HS3ST3B1: variants seen among roughly 807,000 people sequenced by gnomAD.
HS3ST3B1 encodes heparan sulfate glucosamine 3-O-sulfotransferase 3B1.
In HS3ST3B1, 13 loss-of-function variants were observed where a neutral mutation model predicts 21.3. The observed-to-expected ratio is 0.61, with a 90% CI of 0.40 to 0.97. The LOEUF (loss-of-function observed/expected upper bound fraction) is 0.97, where lower values mean the gene tolerates loss of function less well. Ranked by LOEUF, HS3ST3B1 falls within the 50% of genes least tolerant of loss-of-function variation. The pLI is 0.00. For synonymous variants in HS3ST3B1, 234 were observed against 254.8 expected, an observed-to-expected ratio of 0.92 and a Z score of 0.78; for missense variants, 459 against 554.8, an observed-to-expected ratio of 0.83 and a Z score of 1.73.
intron 1 of HS3ST3B1, among the ~76,000 whole-genome samples, chr17:14,320,043 G>T (rs1181415619): frequency 1.3e-5 from 2 of 152,146 alleles, no homozygotes; most frequent in Admixed American, 6.5e-5. Context: ...AGAGAGGCAG[G>T]TCTTGATGTG....
intron 1 of HS3ST3B1, among the ~76,000 whole-genome samples, chr17:14,311,221 A>C (rs962086207): frequency 7.3e-6 from 1 of 137,658 alleles, no homozygotes; most frequent in African/African-American, 2.7e-5. Context: ...GGTGCACACC[A>C]CCATGCCTGG....
In HS3ST3B1 at chr17:14,345,540, C is replaced by T. The variant is rs1183424415; in HGVS notation, c.1067C>T (p.Thr356Ile). ...PHCLGKTKGRTHPEIDREVVR... is the reference protein window; with the variant it reads ...PHCLGKTKGRIHPEIDREVVR... ...TGCCTGGGCAAGACCAAGGGCAGGACCCATCCTGAGATCGACCGCGAGGTG... is the reference window on the plus strand; with the variant it reads ...TGCCTGGGCAAGACCAAGGGCAGGATCCATCCTGAGATCGACCGCGAGGTG... The change falls in exon 2 of 2, where the codon ACC becomes ATC. Residue 356 changes from threonine (T) to isoleucine (I), a missense_variant. By Grantham distance (89) the Thr-to-Ile change is moderately conservative (BLOSUM62 -1). This residue lies in a region of HS3ST3B1 where 127 missense variants were observed against 209.9 expected (regional missense o/e 0.60). Coordinates refer to ENST00000360954, the MANE Select transcript of HS3ST3B1 (RefSeq NM_006041.3). 1 of 1,601,362 alleles carries T rather than the reference C, an allele frequency of 6.2e-7. No homozygotes were observed. Among genetic ancestry groups the T allele is most frequent in the Non-Finnish European group, 8.5e-7 (1 of 1,173,226 alleles).
intron 1 of HS3ST3B1, among the ~76,000 whole-genome samples, chr17:14,339,032 G>A (rs1243695349): frequency 6.6e-6 from 1 of 152,140 alleles, no homozygotes; most frequent in Non-Finnish European, 1.5e-5. Context: ...TACTCTTGTG[G>A]GCTGTGAGCA....
chr17:14,329,660 CAGAAGG>C (rs1909944622), intron 1 of HS3ST3B1, among the ~76,000 whole-genome samples: 1 of 152,176 alleles, frequency 6.6e-6, no homozygotes, highest in Non-Finnish European at 1.5e-5. Context: ...ATGTCAACCC[CAGAAGG>C]AGACTCAGTT....
At chr17:14,331,529 G>A (rs1478646569) in intron 1 of HS3ST3B1, among the ~76,000 whole-genome samples, 3 of 152,246 alleles carry the variant, frequency 2.0e-5, no homozygotes, top group African/African-American at 7.2e-5. Flanking sequence ...GGGGCTGGGC[G>A]TGGAGAAAGG....
chr17:14,333,001 C>T (rs565301911), intron 1 of HS3ST3B1, among the ~76,000 whole-genome samples: 2 of 151,616 alleles, frequency 1.3e-5, no homozygotes, highest in South Asian at 4.2e-4. Flanking sequence ...AGGAAGAGCC[C>T]GCAGCTCCAA....
At chr17:14,335,505 T>C (rs988591729) in intron 1 of HS3ST3B1, among the ~76,000 whole-genome samples, 2 of 152,006 alleles carry the variant, frequency 1.3e-5, no homozygotes, top group African/African-American at 4.8e-5. Context: ...CACCAGCCTG[T>C]CCAACATGAT....
At chr17:14,327,554 A>T (rs1186259764) in intron 1 of HS3ST3B1, 1 of 152,212 alleles carries the variant, frequency 6.6e-6, no homozygotes, top group East Asian at 1.9e-4. Context: ...AATGGGTGTG[A>T]TGATACATGT....
intron 1 of HS3ST3B1, among the ~76,000 whole-genome samples, chr17:14,310,597 A>G (rs540860380): frequency 7.7e-4 from 117 of 152,308 alleles, no homozygotes; most frequent in African/African-American, 2.7e-3. Flanking sequence ...ATTAAAGTAC[A>G]ATCTCCCTGG....
intron 1 of HS3ST3B1, among the ~76,000 whole-genome samples, chr17:14,326,543 C>T (rs1272337236): frequency 6.6e-6 from 1 of 152,152 alleles, no homozygotes; most frequent in Non-Finnish European, 1.5e-5. Flanking sequence ...CTAAGTGGCC[C>T]AATGGCTGTC....
intron 1 of HS3ST3B1, 46 bp downstream of exon 1, chr17:14,302,118 C>G (rs1412869086): frequency 6.5e-7 from 1 of 1,541,746 alleles, no homozygotes. Flanking sequence ...CGATTCAGAC[C>G]CTGAGCTAAG....
chr17:14,335,851 T>C (rs1252552225), intron 1 of HS3ST3B1, among the ~76,000 whole-genome samples: 1 of 152,158 alleles, frequency 6.6e-6, no homozygotes, highest in East Asian at 1.9e-4. Context: ...GCTGAATAAG[T>C]GGATTTGGGG....
At chr17:14,311,370 C>T (rs566092762) in intron 1 of HS3ST3B1, among the ~76,000 whole-genome samples, 110 of 152,290 alleles carry the variant, frequency 7.2e-4, no homozygotes, top group African/African-American at 2.6e-3. Flanking sequence ...TGAGCCACCA[C>T]GCCAGACCCA....
At chr17:14,311,866 A>G (rs1320758184) in intron 1 of HS3ST3B1, among the ~76,000 whole-genome samples, 1 of 152,062 alleles carries the variant, frequency 6.6e-6, no homozygotes, top group African/African-American at 2.4e-5. Flanking sequence ...GCACCACTTA[A>G]AACAGGCTCG....
At position 14,301,556 on chromosome 17, in the gene HS3ST3B1, A is replaced by C; in HGVS notation, c.38A>C (p.Asp13Ala). The C allele has an allele frequency of 3.8e-6, 6 of 1,587,564 alleles. No homozygotes were observed. The highest frequency in any genetic ancestry group is 4.3e-6 in the Non-Finnish European group (5 of 1,174,546). ...QRLSGGRSCL[D>A]VPGRLLPQPP... ...CTGAGTGGCGGCAGATCTTGCCTCGATGTCCCCGGCCGGCTCCTACCGCAG... is the reference window on the plus strand; with the variant it reads ...CTGAGTGGCGGCAGATCTTGCCTCGCTGTCCCCGGCCGGCTCCTACCGCAG... Residue 13 changes from aspartate to alanine, a missense_variant, in exon 1 of 2, where the codon GAT (aspartate) becomes GCT (alanine). Asp to Ala is a moderately radical substitution (Grantham distance 126). Around this residue, in one of 3 missense-constraint regions of HS3ST3B1, gnomAD observed 317 missense variants for 278.6 expected, o/e 1.14. Coordinates refer to ENST00000360954, the MANE Select transcript of HS3ST3B1 (RefSeq NM_006041.3).
intron 1 of HS3ST3B1, among the ~76,000 whole-genome samples, chr17:14,302,800 C>T (rs944709648): frequency 2.6e-5 from 4 of 152,208 alleles, no homozygotes; most frequent in African/African-American, 4.8e-5. Flanking sequence ...GCGTCCGGGC[C>T]TCCGGGCACC....
rs111751377 is a variant in HS3ST3B1 at position 14,330,549 on chromosome 17, C to T, written c.555-14479C>T. Reference sequence around the variant, plus strand: ...TTGTCCTGTTTCTCTCCTGGTTTCCCGGTGTGTGTGTGTGTGTGTGTGTGT... The same window carrying T: ...TTGTCCTGTTTCTCTCCTGGTTTCCTGGTGTGTGTGTGTGTGTGTGTGTGT... On this transcript the variant is annotated intron_variant, in intron 1 of 1. Coordinates refer to ENST00000360954, the MANE Select transcript of HS3ST3B1 (RefSeq NM_006041.3). Among the ~76,000 whole-genome samples the T allele has an allele frequency of 9.7e-4, 85 of 88,048 alleles. 1 individual carries two copies. The highest frequency in any genetic ancestry group is 4.1e-3 in the African/African-American group (73 of 17,622). The allele number at this position is 88,048 out of a possible 152,430, so 57.8% of individuals were successfully genotyped here. A position where few individuals can be genotyped will look rare whatever the true frequency, so the allele number is the denominator to read the frequency against.
At chr17:14,310,575 G>C (rs1909274841) in intron 1 of HS3ST3B1, among the ~76,000 whole-genome samples, 1 of 152,184 alleles carries the variant, frequency 6.6e-6, no homozygotes, top group African/African-American at 2.4e-5. Flanking sequence ...ACAAGATTTC[G>C]TTCTTCCTTC....
chr17:14,323,526 A>G (rs1291139221), intron 1 of HS3ST3B1, among the ~76,000 whole-genome samples: 2 of 151,886 alleles, frequency 1.3e-5, no homozygotes, highest in African/African-American at 4.8e-5. Context: ...TCCTGGGTCC[A>G]TCTTATATCC....
Sources: gnomAD v4.1 joint callset for allele counts (sites outside exome capture counted in the v4.1 genomes callset) on GRCh38, gnomAD v4.1.1 for gene constraint, gnomAD v4.1.1 regional missense constraint, MANE v1.5 for transcripts, NCBI Gene and HGNC (gene_info 2026-07-23, HGNC 2026-07-21) for gene names.